AGBL4: variants seen among roughly 807,000 people sequenced by gnomAD.
AGBL4 encodes AGBL carboxypeptidase 4, also known as cytosolic carboxypeptidase 6.
In AGBL4, 58 loss-of-function variants were observed where a neutral mutation model predicts 66.4. The ratio of observed to expected loss-of-function variants is 0.87; its 90% CI spans 0.71 to 1.09. AGBL4 has a LOEUF of 1.09. Among genes scored for constraint, AGBL4 ranks in the 50% least tolerant of loss-of-function variants. The pLI is 0.00. For missense variants in AGBL4, 579 were observed against 631.0 expected (o/e 0.92, Z 0.88); for synonymous variants, 234 against 222.9 (o/e 1.05, Z -0.44).
At chr1:48,652,750 CT>C (rs1645951800) in intron 8 of AGBL4, among the ~76,000 whole-genome samples, 1 of 152,042 alleles carries the variant, frequency 6.6e-6, no homozygotes, top group African/African-American at 2.4e-5. Context: ...GAATTTTAGG[CT>C]GTAAATTATG....
intron 3 of AGBL4, among the ~76,000 whole-genome samples, chr1:49,320,297 C>T (rs1175924893): frequency 3.3e-5 from 5 of 152,068 alleles, no homozygotes; most frequent in African/African-American, 2.4e-5. Context: ...CATATGCTGA[C>T]ATTTCTCTAG....
chr1:48,523,438 G>T, the AGBL4 span, among the ~76,000 whole-genome samples: 9 of 152,276 alleles, frequency 5.9e-5, no homozygotes, highest in South Asian at 1.9e-3. Flanking sequence ...CAGCAATAAT[G>T]CTTAATTCCA....
At chr1:49,788,368 A>T (rs977529344) in intron 2 of AGBL4, among the ~76,000 whole-genome samples, 1 of 152,178 alleles carries the variant, frequency 6.6e-6, no homozygotes, top group Non-Finnish European at 1.5e-5. Flanking sequence ...TACAAAAAAC[A>T]TCTACAATGT....
chr1:49,269,098 G>A (rs1026086479), intron 3 of AGBL4: 8 of 152,196 alleles, frequency 5.3e-5, no homozygotes, highest in Admixed American at 3.9e-4. Context: ...TAGGGTGACA[G>A]TGGATGAGAC....
intron 3 of AGBL4, among the ~76,000 whole-genome samples, chr1:49,650,837 C>T (rs971720212): frequency 2.0e-5 from 3 of 152,142 alleles, no homozygotes; most frequent in Admixed American, 1.3e-4. Context: ...GAGGAGTAAA[C>T]CCCACTCCCC....
At chr1:49,160,660 T>C (rs1337554738) in intron 4 of AGBL4, among the ~76,000 whole-genome samples, 1 of 152,050 alleles carries the variant, frequency 6.6e-6, no homozygotes, top group Non-Finnish European at 1.5e-5. Context: ...AGCCGCCCCT[T>C]CCCCCAGGTG....
intron 4 of AGBL4, among the ~76,000 whole-genome samples, chr1:49,106,666 C>A (rs1645299253): frequency 6.6e-6 from 1 of 152,106 alleles, no homozygotes; most frequent in Admixed American, 6.6e-5. Flanking sequence ...GTTTTGTTGA[C>A]ACTGAGTCAT....
chr1:49,973,927 T>C (rs1458128183), intron 1 of AGBL4, among the ~76,000 whole-genome samples: 1 of 151,852 alleles, frequency 6.6e-6, no homozygotes, highest in African/African-American at 2.4e-5. Flanking sequence ...AAATAATAAT[T>C]ATTTATTGGT....
chr1:49,543,151 C>G (rs1652196678), intron 3 of AGBL4, among the ~76,000 whole-genome samples: 1 of 152,080 alleles, frequency 6.6e-6, no homozygotes, highest in Non-Finnish European at 1.5e-5. Context: ...CCTCTCTAGT[C>G]TACACCTCTA....
intron 1 of AGBL4, among the ~76,000 whole-genome samples, chr1:49,899,262 T>C (rs982574258): frequency 3.0e-4 from 46 of 151,936 alleles, no homozygotes; most frequent in African/African-American, 1.1e-3. Context: ...ACCTACTATG[T>C]GTCCACAAAA....
At chr1:48,885,723 G>A (rs1570921905) in intron 5 of AGBL4, among the ~76,000 whole-genome samples, 1 of 152,150 alleles carries the variant, frequency 6.6e-6, no homozygotes, top group Non-Finnish European at 1.5e-5. Context: ...CAAAGTGAGT[G>A]CAGACCATCA....
At chr1:49,404,131 A>C (rs1223505740) in intron 3 of AGBL4, among the ~76,000 whole-genome samples, 1 of 152,086 alleles carries the variant, frequency 6.6e-6, no homozygotes, top group Non-Finnish European at 1.5e-5. Context: ...GCCACCCCCC[A>C]TTCATACATT....
intron 4 of AGBL4, among the ~76,000 whole-genome samples, chr1:49,129,064 CA>C (rs1171271656): frequency 6.6e-6 from 1 of 151,746 alleles, no homozygotes; most frequent in East Asian, 1.9e-4. Context: ...GACATTTTAA[CA>C]AAACCCACAA....
chr1:48,570,221 C>T (rs750203148), intron 11 of AGBL4, among the ~76,000 whole-genome samples: 11 of 152,218 alleles, frequency 7.2e-5, no homozygotes, highest in African/African-American at 1.9e-4. Context: ...AATCACCTTC[C>T]GGTGAAGAGG....
At chr1:49,967,445 T>C (rs572684307) in intron 1 of AGBL4, among the ~76,000 whole-genome samples, 1 of 151,644 alleles carries the variant, frequency 6.6e-6, no homozygotes, top group Non-Finnish European at 1.5e-5. Context: ...TTCTCACTCA[T>C]AAGTGGGAGT....
chr1:49,541,486 T>A (rs1652019787), intron 3 of AGBL4, among the ~76,000 whole-genome samples: 1 of 152,178 alleles, frequency 6.6e-6, no homozygotes, highest in Admixed American at 6.5e-5. Context: ...GGCCAGGAGC[T>A]GTGGAGGGTG....
At chr1:48,618,362 C>T (rs79298622) in intron 9 of AGBL4, among the ~76,000 whole-genome samples, 4,171 of 152,258 alleles carry the variant, frequency 0.027, 193 homozygotes, top group African/African-American at 0.091. Flanking sequence ...GATTCATCCC[C>T]GGGGCCTGGA....
chr1:48,776,649 C>A (rs1368946549), intron 6 of AGBL4: 3 of 1,490,866 alleles, frequency 2.0e-6, no homozygotes, highest in Non-Finnish European at 2.7e-6. Context: ...ACAGCGCGCC[C>A]CAGTCGCGGG....
intron 3 of AGBL4, among the ~76,000 whole-genome samples, chr1:49,634,595 G>T (rs907793841): frequency 3.9e-5 from 6 of 152,022 alleles, no homozygotes; most frequent in African/African-American, 1.4e-4. Flanking sequence ...GGGATTGCTG[G>T]GTCAAATGGT....
Sources: allele counts gnomAD v4.1 joint callset (sites outside exome capture counted in the v4.1 genomes callset), GRCh38; gene constraint gnomAD v4.1.1; transcripts MANE v1.5; gene names NCBI Gene and HGNC (gene_info 2026-07-23, HGNC 2026-07-21).